Variants in CRTC3 observed in about 807,000 individuals in gnomAD.
CRTC3 encodes CREB-regulated transcription coactivator 3.
A neutral mutation model predicts 74.5 loss-of-function variants in CRTC3; 26 were observed. The ratio of observed to expected loss-of-function variants is 0.35; its 90% CI spans 0.26 to 0.48. The LOEUF (loss-of-function observed/expected upper bound fraction) is 0.48. Among genes scored for constraint, CRTC3 ranks in the 20% least tolerant of loss-of-function variants. The pLI, the probability that CRTC3 is intolerant of heterozygous loss-of-function variation, is 0.99. For synonymous variants in CRTC3, 377 were observed against 325.8 expected (o/e 1.16, Z -1.69); for missense variants, 760 against 787.3 (o/e 0.97, Z 0.41).
intron 11 of CRTC3, chr15:90,634,897 G>C: frequency 6.4e-7 from 1 of 1,573,250 alleles, no homozygotes; most frequent in Non-Finnish European, 8.7e-7. Context: ...GGTAAGGCTG[G>C]AGAGATTCAA....
intron 4 of CRTC3, among the ~76,000 whole-genome samples, chr15:90,603,801 G>A (rs1481065392): frequency 1.3e-5 from 2 of 152,200 alleles, no homozygotes; most frequent in Non-Finnish European, 2.9e-5. Context: ...ATCTGGGAAA[G>A]GAAATAAAGA....
intron 3 of CRTC3, among the ~76,000 whole-genome samples, chr15:90,601,169 G>A (rs953074121): frequency 2.4e-4 from 36 of 152,150 alleles, no homozygotes; most frequent in African/African-American, 8.7e-4. Flanking sequence ...TTAACTAAAC[G>A]AATGAAAACA....
At chr15:90,602,283 C>G (rs1968089723) in intron 3 of CRTC3, 41 bp from the exon 4 acceptor site, 2 of 1,226,256 alleles carry the variant, frequency 1.6e-6, no homozygotes, top group Non-Finnish European at 2.4e-6. Flanking sequence ...TCTGCTTCAT[C>G]TTTCCATTAA....
At chr15:90,624,307 C>G (rs1378832059) in intron 9 of CRTC3, among the ~76,000 whole-genome samples, 1 of 152,098 alleles carries the variant, frequency 6.6e-6, no homozygotes, top group Non-Finnish European at 1.5e-5. Context: ...TTGGTTCTCC[C>G]TGCCTCTCCT....
intron 2 of CRTC3, among the ~76,000 whole-genome samples, chr15:90,589,937 A>G (rs1023968278): frequency 5.9e-5 from 9 of 152,122 alleles, no homozygotes; most frequent in African/African-American, 2.2e-4. Flanking sequence ...CAGTGAGCCA[A>G]GATTGCACCA....
intron 2 of CRTC3, among the ~76,000 whole-genome samples, chr15:90,589,843 C>T (rs145939025): frequency 2.7e-5 from 4 of 150,702 alleles, no homozygotes; most frequent in Admixed American, 6.6e-5. Flanking sequence ...AAAAATTGGC[C>T]GGGTGTCGTG....
intron 2 of CRTC3, among the ~76,000 whole-genome samples, chr15:90,583,539 C>CA (rs1967591166): frequency 6.6e-6 from 1 of 152,128 alleles, no homozygotes; most frequent in Non-Finnish European, 1.5e-5. Flanking sequence ...TAAAAACAAA[C>CA]AAAAAACCCA....
chr15:90,546,135 G>A (rs867616333), intron 2 of CRTC3, among the ~76,000 whole-genome samples: 11 of 152,164 alleles, frequency 7.2e-5, no homozygotes, highest in South Asian at 2.1e-4. Flanking sequence ...TCAAGTTCCC[G>A]AAGGTTTTTT....
chr15:90,560,137 A>G (rs1369905926), intron 2 of CRTC3, among the ~76,000 whole-genome samples: 1 of 151,954 alleles, frequency 6.6e-6, no homozygotes. Flanking sequence ...ACCTTCTTTT[A>G]TTCATCTAGT....
intron 13 of CRTC3, among the ~76,000 whole-genome samples, chr15:90,639,478 C>G (rs944608576): frequency 7.7e-6 from 1 of 129,456 alleles, no homozygotes; most frequent in Non-Finnish European, 1.6e-5. Flanking sequence ...GAGACAGAAT[C>G]TTAATCTGTC....
intron 1 of CRTC3, among the ~76,000 whole-genome samples, chr15:90,538,609 T>C (rs1275576705): frequency 6.6e-6 from 1 of 151,880 alleles, no homozygotes; most frequent in Non-Finnish European, 1.5e-5. Flanking sequence ...AAGATGATTG[T>C]ATATAAGTTG....
At chr15:90,631,325 A>T (rs1445296302) in intron 11 of CRTC3, among the ~76,000 whole-genome samples, 1 of 152,124 alleles carries the variant, frequency 6.6e-6, no homozygotes, top group Non-Finnish European at 1.5e-5. Flanking sequence ...CCTTGCCTTG[A>T]ATTCCTGGGC....
chr15:90,566,330 G>A (rs1453882357), intron 2 of CRTC3, among the ~76,000 whole-genome samples: 5 of 152,000 alleles, frequency 3.3e-5, no homozygotes, highest in African/African-American at 4.8e-5. Flanking sequence ...TGGGTGGATC[G>A]CTTGAGGTCA....
Position 90,540,026 on chromosome 15 carries a change from A to T in CRTC3, c.133-13A>T. On this transcript the variant is annotated splice_polypyrimidine_tract_variant and intron_variant, in intron 1 of 14. Coordinates refer to ENST00000268184, the MANE Select transcript of CRTC3 (RefSeq NM_022769.5). The stretch of plus-strand genomic sequence containing the variant: ...TGTTACCTCTCAGCGTTCTTAAATC[A>T]CTTTGTTTCCAGGTTCAATTTCAGA... The T allele has an allele frequency of 6.3e-7, 1 of 1,585,782 alleles. No homozygotes were observed. The highest frequency in any genetic ancestry group is 1.3e-5 in the African/African-American group (1 of 74,414).
chr15:90,632,167 C>A (rs554663859), intron 11 of CRTC3, among the ~76,000 whole-genome samples: 1 of 151,820 alleles, frequency 6.6e-6, no homozygotes, highest in Non-Finnish European at 1.5e-5. Flanking sequence ...ATTGAATTAC[C>A]TTTAATTTTA....
chr15:90,545,819 C>T (rs1436582723), intron 2 of CRTC3, among the ~76,000 whole-genome samples: 2 of 152,006 alleles, frequency 1.3e-5, no homozygotes, highest in Non-Finnish European at 2.9e-5. Flanking sequence ...ACTTTGTGAT[C>T]CGCCCGCCTT....
chr15:90,531,620 T>C (rs1361812422), intron 1 of CRTC3, among the ~76,000 whole-genome samples: 1 of 152,232 alleles, frequency 6.6e-6, no homozygotes, highest in African/African-American at 2.4e-5. Context: ...CACTCATTTT[T>C]TACCTGCCTG....
rs147718575 is a variant in CRTC3, at chr15:90,559,013, A to C, written c.231+18876A>C. ...GTGATCCGCCCGCCTTGGCTTCCCA[A>C]AGTGCTGGGATTGCAGGTGTGAGCC... On this transcript the variant is annotated intron_variant, in intron 2 of 14. Transcript: ENST00000268184. 3.5e-3 allele frequency among the ~76,000 whole-genome samples: 527 copies of C among 152,142 alleles called. 4 individuals carry two copies. Among genetic ancestry groups the C allele is most frequent in the Non-Finnish European group, 6.1e-3 (413 of 68,004 alleles).
intron 2 of CRTC3, among the ~76,000 whole-genome samples, chr15:90,555,843 T>A (rs1433248584): frequency 6.6e-6 from 1 of 152,176 alleles, no homozygotes; most frequent in East Asian, 1.9e-4. Flanking sequence ...GCTTCCATTT[T>A]TAAACCTTTA....
Sources: gnomAD v4.1 joint callset for allele counts (sites outside exome capture counted in the v4.1 genomes callset) on GRCh38, gnomAD v4.1.1 for gene constraint, MANE v1.5 for transcripts, NCBI Gene and HGNC (gene_info 2026-07-23, HGNC 2026-07-21) for gene names.